Variants in FAM107A observed in about 807,000 individuals in gnomAD.
FAM107A encodes the protein family with sequence similarity 107 member A.
FAM107A carries 19 observed loss-of-function variants against 13.7 expected under a neutral mutation model. The ratio of observed to expected loss-of-function variants is 1.38; its 90% CI spans 0.97 to 2.03. The LOEUF (loss-of-function observed/expected upper bound fraction) is 2.03, where lower values mean the gene tolerates loss of function less well. Ranked by LOEUF, FAM107A falls within the 30% of genes most tolerant of loss-of-function variation. The pLI is 0.00. For synonymous variants in FAM107A, 82 were observed against 74.5 expected, an observed-to-expected ratio of 1.10 and a Z score of -0.52; for missense variants, 203 against 184.4, an observed-to-expected ratio of 1.10 and a Z score of -0.58.
At chr3:58,587,515 GT>G (rs1249467794), upstream of FAM107A, among the ~76,000 whole-genome samples, 9 of 140,362 alleles carry the variant, frequency 6.4e-5, no homozygotes, top group South Asian at 1.2e-3. Context: ...GTGTGTGTGT[GT>G]GTGGCCCAGA....
chr3:58,625,079 G>T (rs370210990), intron 1 of FAM107A, among the ~76,000 whole-genome samples: 1 of 152,048 alleles, frequency 6.6e-6, no homozygotes, highest in African/African-American at 2.4e-5. Flanking sequence ...GCAGAATGGG[G>T]TCAAAATCCT....
At chr3:58,600,968 C>G (rs1310264138) in intron 1 of FAM107A, among the ~76,000 whole-genome samples, 1 of 152,144 alleles carries the variant, frequency 6.6e-6, no homozygotes, top group Non-Finnish European at 1.5e-5. Flanking sequence ...GCAGCCTTAC[C>G]AAGCCTCTTA....
At chr3:58,606,646 G>A (rs900906404) in intron 1 of FAM107A, among the ~76,000 whole-genome samples, 1 of 152,254 alleles carries the variant, frequency 6.6e-6, no homozygotes, top group African/African-American at 2.4e-5. Context: ...AATCCAGTCT[G>A]TTGGACCTGA....
chr3:58,625,702 T>G (rs2066007538), intron 1 of FAM107A, among the ~76,000 whole-genome samples: 1 of 152,270 alleles, frequency 6.6e-6, no homozygotes. Flanking sequence ...AAGTGTCAGT[T>G]TCTGGATTCT....
intron 1 of FAM107A, among the ~76,000 whole-genome samples, chr3:58,574,859 G>T (rs3792401): frequency 0.43 from 64,985 of 151,930 alleles, 14,783 homozygotes; most frequent in Non-Finnish European, 0.52. Context: ...ACCAGGCAAG[G>T]CTCAGCAGAG....
intron 1 of FAM107A, among the ~76,000 whole-genome samples, chr3:58,623,022 G>A (rs2065973037): frequency 6.6e-6 from 1 of 152,244 alleles, no homozygotes; most frequent in African/African-American, 2.4e-5. Flanking sequence ...GTCCTCACAC[G>A]TCACTGAGCT....
chr3:58,581,064 C>A (rs1461254299), upstream of FAM107A, among the ~76,000 whole-genome samples: 2 of 152,244 alleles, frequency 1.3e-5, no homozygotes, highest in Non-Finnish European at 2.9e-5. Context: ...CAGTCGCTGT[C>A]TCCTGCCTCC....
intron 1 of FAM107A, chr3:58,586,804 A>T: frequency 6.7e-7 from 1 of 1,498,494 alleles, no homozygotes; most frequent in East Asian, 2.6e-5. Flanking sequence ...GCCGTGCACC[A>T]CAGAGCCCTC....
rs990264332 is a variant in FAM107A at position 58,569,302 on chromosome 3, GC to G, written c.170+388del. On this transcript the variant is annotated intron_variant, in intron 2 of 3. Coordinates refer to ENST00000360997, the MANE Select transcript of FAM107A (RefSeq NM_001076778.3). This position sits in a 1 kb window ranked among gnomAD's most constrained non-coding sequence, Gnocchi z 5.7. ...CCTCTGGGGTCTCAGGCCTATTTAT[GC>G]CCTCATCAATGCACCCATCCTACTG... Among the ~76,000 whole-genome samples the G allele has an allele frequency of 1.3e-5, 2 of 152,130 alleles. No homozygotes were observed. The highest frequency in any genetic ancestry group is 4.8e-5 in the African/African-American group (2 of 41,412).
intron 1 of FAM107A, among the ~76,000 whole-genome samples, chr3:58,585,966 A>C (rs1256506886): frequency 6.6e-6 from 1 of 152,248 alleles, no homozygotes; most frequent in African/African-American, 2.4e-5. Context: ...GATGGAAGAG[A>C]AAAAGCACCT....
In FAM107A at chr3:58,567,366, T is replaced by C. The variant is rs774495591; in HGVS notation, c.171-2A>G. ...GGCTTGCTGTCCACACCAAGGCCCC[T>C]GGGGTGGGAAGTGGGGAGCTGTCAG... On this transcript the variant is annotated splice_acceptor_variant, in intron 2 of 3. Coordinates refer to ENST00000360997, the MANE Select transcript of FAM107A (RefSeq NM_001076778.3). LOFTEE classifies it high-confidence loss of function. The C allele has an allele frequency of 1.2e-6, 2 of 1,609,016 alleles. No homozygotes were observed. Among genetic ancestry groups the C allele is most frequent in the Non-Finnish European group, 1.7e-6 (2 of 1,178,112 alleles).
chr3:58,622,260 A>T (rs2065963386), intron 1 of FAM107A, among the ~76,000 whole-genome samples: 1 of 152,128 alleles, frequency 6.6e-6, no homozygotes, highest in South Asian at 2.1e-4. Context: ...CCAACATGAC[A>T]AAACCCCATC....
chr3:58,617,910 G>A lies in FAM107A; in HGVS notation c.-70+9506C>T, dbSNP rs1225305319. On this transcript the variant is annotated intron_variant, in intron 1 of 3. Transcript: ENST00000465970. The surrounding 1 kb of genome is among the most constrained non-coding windows in gnomAD (Gnocchi z 4.5). ...GCTTGAAAAACAAGTCCATGAGAAC[G>A]TGGGCTGTGGAGCCAGAAGTATCCA... Among the ~76,000 whole-genome samples, 1 of 152,204 alleles carries A rather than the reference G, an allele frequency of 6.6e-6. No individual in the cohort carries two copies. The highest frequency in any genetic ancestry group is 1.9e-4 in the East Asian group (1 of 5,202).
Position 58,569,648 on chromosome 3 carries a change from C to A in FAM107A, c.170+43G>T. On this transcript the variant is annotated intron_variant, in intron 2 of 3. Coordinates refer to ENST00000360997, the MANE Select transcript of FAM107A (RefSeq NM_001076778.3). This position sits in a 1 kb window ranked among gnomAD's most constrained non-coding sequence, Gnocchi z 5.7. The stretch of plus-strand genomic sequence containing the variant: ...GGTCACCTTCCCCATCCCCCACAGG[C>A]CCAGGTGCTTGCGGGGCCCAGGCAG... 1.9e-6 allele frequency: 3 copies of A among 1,554,030 alleles called. No homozygotes were observed. The highest frequency in any genetic ancestry group is 2.6e-6 in the Non-Finnish European group (3 of 1,141,246).
intron 1 of FAM107A, among the ~76,000 whole-genome samples, chr3:58,576,730 C>T (rs1009296583): frequency 5.3e-5 from 8 of 152,242 alleles, no homozygotes; most frequent in East Asian, 1.9e-4. Flanking sequence ...CGTTAACCTG[C>T]GTGCACTATG....
chr3:58,576,720 C>T (rs758012089), intron 1 of FAM107A, among the ~76,000 whole-genome samples: 2 of 152,236 alleles, frequency 1.3e-5, no homozygotes, highest in East Asian at 1.9e-4. Flanking sequence ...GCCCTTCACA[C>T]GTTAACCTGC....
At chr3:58,567,394 G>A (rs2063633803) in intron 2 of FAM107A, 30 bp from the exon 3 acceptor site, 23 of 1,592,286 alleles carry the variant, frequency 1.4e-5, no homozygotes, top group Admixed American at 1.7e-5. Context: ...GCTGTCAGGA[G>A]ACCATCACCT....
At chr3:58,626,646 G>T (rs1323490391) in intron 1 of FAM107A, among the ~76,000 whole-genome samples, 2 of 152,194 alleles carry the variant, frequency 1.3e-5, no homozygotes, top group Non-Finnish European at 2.9e-5. Context: ...GTATCCACCT[G>T]CATCAGACAC....
chr3:58,601,548 G>T (rs1255556307), intron 1 of FAM107A, among the ~76,000 whole-genome samples: 2 of 152,184 alleles, frequency 1.3e-5, no homozygotes, highest in Non-Finnish European at 2.9e-5. Context: ...CTAACTGATG[G>T]ATATGTAAGT....
Sources: allele counts gnomAD v4.1 joint callset (sites outside exome capture counted in the v4.1 genomes callset), GRCh38; gene constraint gnomAD v4.1.1; non-coding constraint Gnocchi (gnomAD v3.1); transcripts MANE v1.5; gene names NCBI Gene and HGNC (gene_info 2026-07-23, HGNC 2026-07-21).